The following ADAMTS3 variants were observed in gnomAD, a reference collection of about 807,000 sequenced individuals.
ADAMTS3 encodes ADAM metallopeptidase with thrombospondin type 1 motif 3.
A neutral mutation model predicts 129.0 loss-of-function variants in ADAMTS3; 73 were observed. The observed-to-expected ratio is 0.57, with a 90% confidence interval of 0.47 to 0.69. ADAMTS3 has a LOEUF of 0.69. Among genes scored for constraint, ADAMTS3 ranks in the 30% least tolerant of loss-of-function variants. The pLI, the probability that ADAMTS3 is intolerant of heterozygous loss-of-function variation, is 0.00. For synonymous variants in ADAMTS3, 477 were observed against 510.8 expected, an observed-to-expected ratio of 0.93 and a Z score of 0.89; for missense variants, 1,457 against 1,514.5, an observed-to-expected ratio of 0.96 and a Z score of 0.63.
At chr4:72,540,050 G>A (rs369744159) in intron 3 of ADAMTS3, among the ~76,000 whole-genome samples, 134 of 152,240 alleles carry the variant, frequency 8.8e-4, no homozygotes, top group East Asian at 6.4e-3. Context: ...GCAGGCAGAG[G>A]GTGGGACAGT....
rs188385049 is a variant in ADAMTS3 at position 72,371,512 on chromosome 4, C to G, written c.662-31819G>C. Among the ~76,000 whole-genome samples the G allele has an allele frequency of 2.5e-4, 37 of 150,926 alleles. No homozygotes were observed. The East Asian group carries it at 6.8e-3, about 28-fold the overall frequency. On this transcript the variant is annotated intron_variant, in intron 4 of 21. Coordinates refer to ENST00000286657, the MANE Select transcript of ADAMTS3 (RefSeq NM_014243.3). Reference sequence around the variant, plus strand: ...GCTATAACAATATTAGATAAGCTACCCTTTAAAGTGAGAAGCATTACTAAA... The same window carrying G: ...GCTATAACAATATTAGATAAGCTACGCTTTAAAGTGAGAAGCATTACTAAA...
chr4:72,461,897 C>T (rs779440213), intron 3 of ADAMTS3, among the ~76,000 whole-genome samples: 2 of 151,874 alleles, frequency 1.3e-5, no homozygotes, highest in African/African-American at 2.4e-5. Context: ...ATGATATTAT[C>T]TGAGAAACAA....
chr4:72,545,310 T>C (rs1235369536), intron 3 of ADAMTS3, among the ~76,000 whole-genome samples: 2 of 152,130 alleles, frequency 1.3e-5, no homozygotes, highest in Non-Finnish European at 2.9e-5. Flanking sequence ...ACTGCCTGCC[T>C]ATTTGAAGAA....
intron 3 of ADAMTS3, among the ~76,000 whole-genome samples, chr4:72,455,685 C>T (rs1718532832): frequency 6.8e-6 from 1 of 146,686 alleles, no homozygotes; most frequent in Non-Finnish European, 1.5e-5. Flanking sequence ...TACCTTTCTT[C>T]CGGATTTTTT....
chr4:72,564,519 T>C (rs1201261400), intron 2 of ADAMTS3, among the ~76,000 whole-genome samples: 3 of 152,098 alleles, frequency 2.0e-5, no homozygotes, highest in African/African-American at 4.8e-5. Context: ...CACACAGATA[T>C]ATATGTATGT....
chr4:72,530,679 G>A lies in ADAMTS3; in HGVS notation c.504+17799C>T, dbSNP rs1291418421. Among the ~76,000 whole-genome samples, 183 of 78,162 alleles carry A rather than the reference G, an allele frequency of 2.3e-3. 1 individual carries two copies. Among genetic ancestry groups the A allele is most frequent in the African/African-American group, 8.9e-3 (170 of 19,180 alleles). The allele number at this position is 78,162 out of a possible 152,430, so 51.3% of individuals were successfully genotyped here. A position where few individuals can be genotyped will look rare whatever the true frequency, so the allele number is the denominator to read the frequency against. ...ATATATATTATATAATATATAATAT[G>A]TATAATATATATTGTATCATATATT... On this transcript the variant is annotated intron_variant, in intron 3 of 21. Coordinates refer to ENST00000286657, the MANE Select transcript of ADAMTS3 (RefSeq NM_014243.3).
intron 3 of ADAMTS3, among the ~76,000 whole-genome samples, chr4:72,533,516 A>T (rs1560555915): frequency 6.6e-6 from 1 of 152,144 alleles, no homozygotes; most frequent in East Asian, 1.9e-4. Flanking sequence ...ACTAGTAACA[A>T]AGTCATTTAT....
At chr4:72,516,222 C>T (rs1477204092) in intron 3 of ADAMTS3, among the ~76,000 whole-genome samples, 1 of 152,146 alleles carries the variant, frequency 6.6e-6, no homozygotes, top group African/African-American at 2.4e-5. Context: ...CAGTACCATG[C>T]TGTTTTGGTT....
intron 3 of ADAMTS3, among the ~76,000 whole-genome samples, chr4:72,484,807 A>C (rs1225094898): frequency 6.6e-6 from 1 of 152,180 alleles, no homozygotes; most frequent in Admixed American, 6.5e-5. Flanking sequence ...ACAAGGAAAA[A>C]GTCCAATTCT....
At chr4:72,519,596 C>T (rs1194106587) in intron 3 of ADAMTS3, among the ~76,000 whole-genome samples, 2 of 152,096 alleles carry the variant, frequency 1.3e-5, no homozygotes, top group African/African-American at 2.4e-5. Flanking sequence ...TTTCATCTTC[C>T]GTCACTGATA....
intron 4 of ADAMTS3, among the ~76,000 whole-genome samples, chr4:72,379,988 T>C (rs1721242559): frequency 6.6e-6 from 1 of 152,112 alleles, no homozygotes; most frequent in Non-Finnish European, 1.5e-5. Flanking sequence ...TCTGTATCAT[T>C]TAGGGTTCAC....
chr4:72,413,730 A>G (rs1027805838), intron 4 of ADAMTS3, among the ~76,000 whole-genome samples: 1 of 151,948 alleles, frequency 6.6e-6, no homozygotes, highest in African/African-American at 2.4e-5. Context: ...CTAAGGTAAC[A>G]GAACAACTTG....
chr4:72,541,992 G>C (rs1578779825), intron 3 of ADAMTS3, among the ~76,000 whole-genome samples: 2 of 152,090 alleles, frequency 1.3e-5, no homozygotes, highest in Non-Finnish European at 2.9e-5. Context: ...CTTTTAATTA[G>C]AAAGTATTCT....
At chr4:72,295,826 T>C in intron 18 of ADAMTS3, 40 bp from the exon 19 acceptor site, 1 of 1,594,114 alleles carries the variant, frequency 6.3e-7, no homozygotes, top group Non-Finnish European at 8.5e-7. Flanking sequence ...TAATCACTTC[T>C]TCATGCTGAT....
intron 3 of ADAMTS3, among the ~76,000 whole-genome samples, chr4:72,519,797 CT>C (rs1173717600): frequency 2.0e-5 from 3 of 152,182 alleles, no homozygotes; most frequent in African/African-American, 7.2e-5. Flanking sequence ...CTTCCTGTAG[CT>C]CGGAGTAGTT....
chr4:72,474,414 A>G lies in ADAMTS3; in HGVS notation c.505-59443T>C, dbSNP rs116191914. ...ACAACAGAAAAATATGGTAACCCAG[A>G]CACAAAGCTCATTTGGAAAGGCTCA... On this transcript the variant is annotated intron_variant, in intron 3 of 21. Coordinates refer to ENST00000286657, the MANE Select transcript of ADAMTS3 (RefSeq NM_014243.3). 4.0e-3 allele frequency among the ~76,000 whole-genome samples: 615 copies of G among 152,298 alleles called. 5 individuals carry two copies. Among genetic ancestry groups the G allele is most frequent in the African/African-American group, 0.014 (572 of 41,568 alleles).
At chr4:72,395,465 G>A (rs372758737) in intron 4 of ADAMTS3, among the ~76,000 whole-genome samples, 5 of 152,238 alleles carry the variant, frequency 3.3e-5, no homozygotes, top group South Asian at 2.1e-4. Context: ...GGGGAGTGGC[G>A]TCCCTTATGA....
intron 4 of ADAMTS3, among the ~76,000 whole-genome samples, chr4:72,399,282 A>G (rs1721812611): frequency 6.6e-6 from 1 of 151,944 alleles, no homozygotes; most frequent in Non-Finnish European, 1.5e-5. Flanking sequence ...AAGTAAAAGA[A>G]ATTAGCTGAG....
chr4:72,407,622 G>A (rs951204134), intron 4 of ADAMTS3, among the ~76,000 whole-genome samples: 2 of 152,096 alleles, frequency 1.3e-5, no homozygotes, highest in Non-Finnish European at 2.9e-5. Flanking sequence ...CAGGAAATGG[G>A]TGATAAATGC....
Sources: gnomAD v4.1 joint callset for allele counts (sites outside exome capture counted in the v4.1 genomes callset) on GRCh38, gnomAD v4.1.1 for gene constraint, MANE v1.5 for transcripts, NCBI Gene and HGNC (gene_info 2026-07-23, HGNC 2026-07-21) for gene names.